Variants in ASCC3 observed in about 807,000 individuals in gnomAD.
The protein encoded by ASCC3 is ASC-1 complex subunit P200.
In ASCC3, 158 loss-of-function variants were observed where a neutral mutation model predicts 256.3. That is an observed-to-expected ratio of 0.62 (90% CI 0.54 to 0.70). The LOEUF (loss-of-function observed/expected upper bound fraction) is 0.70. Among genes scored for constraint, ASCC3 ranks in the 30% least tolerant of loss-of-function variants. The pLI is 0.00. For synonymous variants in ASCC3, 948 were observed against 883.4 expected (o/e 1.07, Z -1.30); for missense variants, 2,259 against 2,626.0 (o/e 0.86, Z 3.05).
chr6:100,730,131 C>T (rs1194792990), intron 10 of ASCC3, among the ~76,000 whole-genome samples: 1 of 151,520 alleles, frequency 6.6e-6, no homozygotes, highest in East Asian at 1.9e-4. Flanking sequence ...ACGGTGAGAC[C>T]TCGCCTCCAG....
chr6:100,702,458 A>G (rs1778398883), intron 13 of ASCC3, among the ~76,000 whole-genome samples: 1 of 152,162 alleles, frequency 6.6e-6, no homozygotes, highest in African/African-American at 2.4e-5. Context: ...GACACCCAAG[A>G]GAAAAGGCCA....
chr6:100,670,937 A>G (rs1776713717), intron 14 of ASCC3, among the ~76,000 whole-genome samples: 1 of 152,066 alleles, frequency 6.6e-6, no homozygotes, highest in Admixed American at 6.6e-5. Flanking sequence ...AGGATTCCAT[A>G]TATGAATTAC....
At chr6:100,800,153 T>G in intron 6 of ASCC3, 147 bp downstream of exon 6, 1 of 763,046 alleles carries the variant, frequency 1.3e-6, no homozygotes, top group South Asian at 1.7e-5. Context: ...CCCAGAAAAT[T>G]AGGTATTCAT....
At chr6:100,872,866 G>A (rs1470276257) in intron 1 of ASCC3, among the ~76,000 whole-genome samples, 2 of 152,116 alleles carry the variant, frequency 1.3e-5, no homozygotes, top group African/African-American at 4.8e-5. Context: ...AACACCCCGT[G>A]GGACAAAATA....
intron 8 of ASCC3, among the ~76,000 whole-genome samples, chr6:100,771,002 T>C (rs1052550202): frequency 1.3e-5 from 2 of 151,960 alleles, no homozygotes; most frequent in Admixed American, 1.3e-4. Flanking sequence ...AGAATAACAA[T>C]GTTAGAGAGC....
At chr6:100,726,935 A>C (rs1391816154) in intron 10 of ASCC3, among the ~76,000 whole-genome samples, 1 of 152,076 alleles carries the variant, frequency 6.6e-6, no homozygotes, top group African/African-American at 2.4e-5. Context: ...TCCACTGGGA[A>C]AATGGCATAG....
At position 100,687,370 on chromosome 6, in the gene ASCC3, G is replaced by C. The variant is rs531597349; in HGVS notation, c.2152-7618C>G. Among the ~76,000 whole-genome samples the C allele has an allele frequency of 1.2e-4, 18 of 151,988 alleles. No homozygotes were observed. The South Asian group carries it at 1.7e-3, about 14-fold the overall frequency. The stretch of plus-strand genomic sequence containing the variant: ...GCAAATCTTTAATAGTTTTTTGTTT[G>C]TTTGTTTTTTGAGACAGTGTCTCGC... On this transcript the variant is annotated intron_variant, in intron 13 of 41. Transcript: ENST00000369162.
At chr6:100,785,446 G>T (rs1769017825) in intron 8 of ASCC3, among the ~76,000 whole-genome samples, 1 of 152,042 alleles carries the variant, frequency 6.6e-6, no homozygotes, top group Admixed American at 6.6e-5. Context: ...TGCTGCCCAG[G>T]CTGGAATGCA....
intron 1 of ASCC3, among the ~76,000 whole-genome samples, chr6:100,872,335 C>T (rs1398100194): frequency 2.0e-5 from 3 of 152,000 alleles, no homozygotes; most frequent in Admixed American, 2.0e-4. Context: ...CCTAGCAAAT[C>T]CTAACAAGAT....
chr6:100,605,368 T>TTAG (rs1186928046), intron 33 of ASCC3, among the ~76,000 whole-genome samples, 200 bp downstream of exon 33: 2 of 152,170 alleles, frequency 1.3e-5, no homozygotes, highest in Admixed American at 1.3e-4. Flanking sequence ...CACTGTACTA[T>TTAG]ACTGCTTATT....
intron 37 of ASCC3, among the ~76,000 whole-genome samples, chr6:100,535,352 G>C (rs886868413): frequency 6.6e-6 from 1 of 151,558 alleles, no homozygotes; most frequent in Non-Finnish European, 1.5e-5. Flanking sequence ...TTTTCTCCAA[G>C]TTTCCCATTG....
At chr6:100,769,238 T>C (rs530666263) in intron 8 of ASCC3, among the ~76,000 whole-genome samples, 2 of 152,052 alleles carry the variant, frequency 1.3e-5, no homozygotes, top group South Asian at 2.1e-4. Context: ...AAGAAAAGCA[T>C]GGGGAAAGGT....
chr6:100,514,307 T>G (rs1166601775), intron 39 of ASCC3, among the ~76,000 whole-genome samples: 1 of 152,096 alleles, frequency 6.6e-6, no homozygotes, highest in Non-Finnish European at 1.5e-5. Context: ...CACTAGATGT[T>G]CTTCTAGGAC....
At chr6:100,717,934 T>C (rs911722736) in intron 12 of ASCC3, 141 bp downstream of exon 12, 3 of 688,898 alleles carry the variant, frequency 4.4e-6, no homozygotes, top group Non-Finnish European at 4.9e-6. Flanking sequence ...ATCTGTAATG[T>C]GATTCAATGT....
At chr6:100,673,193 G>A (rs1408295943) in intron 14 of ASCC3, among the ~76,000 whole-genome samples, 1 of 151,776 alleles carries the variant, frequency 6.6e-6, no homozygotes, top group African/African-American at 2.4e-5. Context: ...ACCCTAATTA[G>A]AAAAAGATAA....
intron 16 of ASCC3, among the ~76,000 whole-genome samples, chr6:100,659,204 G>GC (rs1279507444): frequency 6.6e-6 from 1 of 151,336 alleles, no homozygotes; most frequent in African/African-American, 2.4e-5. Context: ...GTTGATTAGT[G>GC]CAACTGTACA....
At position 100,799,481 on chromosome 6, in the gene ASCC3, C is replaced by G. The variant is rs770486299; in HGVS notation, c.1219G>C (p.Asp407His). The change falls in exon 7 of 42, where the codon GAT (aspartate) becomes CAT (histidine). Residue 407 changes from aspartate (D) to histidine (H), a missense_variant. Asp to His is a moderately conservative substitution (Grantham distance 81, BLOSUM62 -1). This residue lies in a region of ASCC3 where 1,839 missense variants were observed against 2,206.7 expected (regional missense o/e 0.83). Coordinates refer to ENST00000369162, the MANE Select transcript of ASCC3 (RefSeq NM_006828.4). ...GTTTTCATGGCTTCAGCCTGGGAATCATACACATGGGGATAATGTATTTTT... is the reference window on the plus strand; with the variant it reads ...GTTTTCATGGCTTCAGCCTGGGAATGATACACATGGGGATAATGTATTTTT... The part of the protein sequence containing the change: ...VEKIHYPHVY[D>H]SQAEAMKTSA... The G allele has an allele frequency of 5.0e-6, 8 of 1,613,036 alleles. No individual in the cohort carries two copies. Among genetic ancestry groups the G allele is most frequent in the Non-Finnish European group, 6.8e-6 (8 of 1,179,500 alleles).
At chr6:100,726,396 G>A (rs190489042) in intron 10 of ASCC3, among the ~76,000 whole-genome samples, 1 of 152,000 alleles carries the variant, frequency 6.6e-6, no homozygotes. Context: ...CACCAACTTA[G>A]AACAGTATGC....
chr6:100,826,539 T>C (rs1771319900), intron 4 of ASCC3, among the ~76,000 whole-genome samples: 1 of 152,256 alleles, frequency 6.6e-6, no homozygotes, highest in African/African-American at 2.4e-5. Context: ...GTCCACATTA[T>C]GTCATCCATC....
Sources: allele counts gnomAD v4.1 joint callset (sites outside exome capture counted in the v4.1 genomes callset), GRCh38; gene constraint gnomAD v4.1.1; regional missense constraint gnomAD v4.1.1; transcripts MANE v1.5; gene names NCBI Gene and HGNC (gene_info 2026-07-23, HGNC 2026-07-21).